The following CSMD2 variants were observed in gnomAD, a reference collection of about 807,000 sequenced individuals.
CSMD2 encodes the protein CUB and sushi domain-containing protein 2.
In CSMD2, 130 loss-of-function variants were observed where a neutral mutation model predicts 398.5. The observed-to-expected ratio is 0.33, with a 90% CI of 0.28 to 0.38. The LOEUF is 0.38. Among genes scored for constraint, CSMD2 ranks in the 10% least tolerant of loss-of-function variants. The probability of loss-of-function intolerance (pLI) is 1.00; values close to 1 mark genes in which losing one functional copy is unlikely to be tolerated. For synonymous variants in CSMD2, 1,828 were observed against 1,908.5 expected, an observed-to-expected ratio of 0.96 and a Z score of 1.10; for missense variants, 3,829 against 4,764.9, an observed-to-expected ratio of 0.80 and a Z score of 5.78.
chr1:34,051,110 G>A (rs1310896130), intron 2 of CSMD2, among the ~76,000 whole-genome samples: 1 of 152,204 alleles, frequency 6.6e-6, no homozygotes, highest in Non-Finnish European at 1.5e-5. Context: ...CACAATGGAG[G>A]TAAGGAAGAT....
At chr1:33,561,738 G>A (rs1396715655) in intron 53 of CSMD2, among the ~76,000 whole-genome samples, 1 of 152,126 alleles carries the variant, frequency 6.6e-6, no homozygotes, top group Non-Finnish European at 1.5e-5. Flanking sequence ...AGTGGCATGA[G>A]GTCTGATCTA....
chr1:34,165,181 C>A lies in CSMD2; in HGVS notation c.-84G>T. On this transcript the variant is annotated 5_prime_UTR_variant, in exon 1 of 71. Coordinates refer to ENST00000373381, the MANE Select transcript of CSMD2 (RefSeq NM_001281956.2). ...AGGAGAGCTCTGGAGCTTTTTTCTG[C>A]TCGGAAAAAATCCCGGTACGCGGGA... The A allele has an allele frequency of 8.5e-7, 1 of 1,180,750 alleles. No individual in the cohort carries two copies. The highest frequency in any genetic ancestry group is 1.0e-6 in the Non-Finnish European group (1 of 955,232). 73.1% of individuals were successfully genotyped at this position (1,180,750 alleles called of 1,614,324 possible). A position where few individuals can be genotyped will look rare whatever the true frequency, so the allele number is the denominator to read the frequency against.
At chr1:34,090,521 C>T (rs1327013940) in intron 1 of CSMD2, among the ~76,000 whole-genome samples, 2 of 151,792 alleles carry the variant, frequency 1.3e-5, no homozygotes, top group Admixed American at 1.3e-4. Flanking sequence ...GTCCCCCCAC[C>T]CACTCTCTCC....
chr1:33,993,040 T>A (rs553397147), intron 3 of CSMD2, among the ~76,000 whole-genome samples: 1 of 152,212 alleles, frequency 6.6e-6, no homozygotes, highest in Non-Finnish European at 1.5e-5. Context: ...TAAAAAAGTA[T>A]GACTGTGTCT....
chr1:33,692,249 G>A (rs1466490698), intron 25 of CSMD2, among the ~76,000 whole-genome samples: 1 of 152,210 alleles, frequency 6.6e-6, no homozygotes, highest in African/African-American at 2.4e-5. Flanking sequence ...TGCCTGGAAG[G>A]AAGTTACATT....
At chr1:33,623,320 T>C (rs1422347456) in intron 36 of CSMD2, 50 bp downstream of exon 36, 11 of 1,142,204 alleles carry the variant, frequency 9.6e-6, no homozygotes, top group South Asian at 5.0e-5. Flanking sequence ...TTCATGATGA[T>C]GAGCTCTAGT....
At chr1:33,629,873 G>C (rs567246465) in intron 32 of CSMD2, among the ~76,000 whole-genome samples, 1 of 152,130 alleles carries the variant, frequency 6.6e-6, no homozygotes, top group South Asian at 2.1e-4. Context: ...CTCCCGAGTG[G>C]CTGGGATTAC....
chr1:33,740,039 A>AT (rs1378065090), intron 14 of CSMD2, among the ~76,000 whole-genome samples: 1 of 152,170 alleles, frequency 6.6e-6, no homozygotes, highest in Non-Finnish European at 1.5e-5. Context: ...CTGACTGATA[A>AT]TATGGAGATC....
intron 3 of CSMD2, among the ~76,000 whole-genome samples, chr1:34,020,531 C>T (rs979237148): frequency 6.6e-6 from 1 of 152,144 alleles, no homozygotes; most frequent in Non-Finnish European, 1.5e-5. Context: ...TGCTGGCCCA[C>T]CCGACTCTCC....
intron 10 of CSMD2, among the ~76,000 whole-genome samples, chr1:33,808,294 A>G (rs1001713649): frequency 6.6e-6 from 1 of 152,112 alleles, no homozygotes; most frequent in Non-Finnish European, 1.5e-5. Flanking sequence ...GACATATTAG[A>G]AAACAAAAAC....
At chr1:33,691,606 T>C (rs1645243378) in intron 25 of CSMD2, among the ~76,000 whole-genome samples, 1 of 152,152 alleles carries the variant, frequency 6.6e-6, no homozygotes. Context: ...ATACTTCTAT[T>C]CCTTTTCTTG....
At chr1:33,680,448 C>T (rs574589997) in intron 25 of CSMD2, among the ~76,000 whole-genome samples, 21 of 152,178 alleles carry the variant, frequency 1.4e-4, no homozygotes, top group East Asian at 3.9e-4. Flanking sequence ...TGTGCACCGT[C>T]GTCTTGGGGC....
At chr1:33,543,054 C>T (rs567795625) in intron 57 of CSMD2, among the ~76,000 whole-genome samples, 158 bp from the exon 58 acceptor site, 64 of 152,332 alleles carry the variant, frequency 4.2e-4, no homozygotes, top group African/African-American at 1.5e-3. Context: ...TGCCCCTAGA[C>T]AGGAAGGAGA....
chr1:33,816,448 G>T (rs543797433), intron 9 of CSMD2, among the ~76,000 whole-genome samples: 1 of 152,252 alleles, frequency 6.6e-6, no homozygotes, highest in South Asian at 2.1e-4. Flanking sequence ...ACTGAAAATG[G>T]TGATGGAGGG....
At chr1:33,833,482 G>C (rs1305148553) in intron 6 of CSMD2, among the ~76,000 whole-genome samples, 1 of 148,568 alleles carries the variant, frequency 6.7e-6, no homozygotes, top group Non-Finnish European at 1.5e-5. Flanking sequence ...CAATAAATTA[G>C]GTATTGATGG....
chr1:33,556,659 T>C (rs967753972), intron 55 of CSMD2, among the ~76,000 whole-genome samples: 8 of 152,138 alleles, frequency 5.3e-5, no homozygotes, highest in Non-Finnish European at 1.5e-5. Flanking sequence ...TTTGGCTGTG[T>C]CCCCACCCAA....
chr1:33,587,891 C>T (rs1008919218), intron 44 of CSMD2, among the ~76,000 whole-genome samples: 6 of 152,228 alleles, frequency 3.9e-5, no homozygotes, highest in Non-Finnish European at 7.3e-5. Flanking sequence ...CAAGTGTTAG[C>T]TGCTCCTGCT....
chr1:33,988,532 C>T (rs889779086), intron 3 of CSMD2, among the ~76,000 whole-genome samples: 3 of 152,180 alleles, frequency 2.0e-5, no homozygotes, highest in Admixed American at 6.5e-5. Flanking sequence ...GTTTCCTAAC[C>T]CTATTTTAGT....
intron 1 of CSMD2, among the ~76,000 whole-genome samples, chr1:34,132,767 T>C (rs1011214633): frequency 3.3e-5 from 5 of 152,170 alleles, no homozygotes; most frequent in African/African-American, 1.2e-4. Flanking sequence ...GCTTTCACAC[T>C]CTGGGACTTA....
Sources: gnomAD v4.1 joint callset for allele counts (sites outside exome capture counted in the v4.1 genomes callset) on GRCh38, gnomAD v4.1.1 for gene constraint, MANE v1.5 for transcripts, NCBI Gene and HGNC (gene_info 2026-07-23, HGNC 2026-07-21) for gene names.